The following MCOLN2 variants were observed in gnomAD, a reference collection of about 807,000 sequenced individuals.
MCOLN2 encodes the protein mucolipin TRP cation channel 2, also known as mucolipin-2.
A neutral mutation model predicts 67.5 loss-of-function variants in MCOLN2; 57 were observed. The ratio of observed to expected loss-of-function variants is 0.84; its 90% CI spans 0.68 to 1.05. The LOEUF (loss-of-function observed/expected upper bound fraction) is 1.05, where lower values mean the gene tolerates loss of function less well. Among genes scored for constraint, MCOLN2 ranks in the 50% least tolerant of loss-of-function variants. The probability of loss-of-function intolerance (pLI) is 0.00; values close to 1 mark genes in which losing one functional copy is unlikely to be tolerated. For synonymous variants in MCOLN2, 246 were observed against 233.3 expected (o/e 1.05, Z -0.50); for missense variants, 620 against 678.8 (o/e 0.91, Z 0.96).
chr1:84,958,784 T>C, intron 2 of MCOLN2, 82 bp from the exon 3 acceptor site: 1 of 1,058,644 alleles, frequency 9.4e-7, no homozygotes, highest in African/African-American at 1.6e-5. Flanking sequence ...TCATCAACCA[T>C]TACCTATAAA....
At chr1:84,993,454 C>T (rs936760943) in intron 1 of MCOLN2, among the ~76,000 whole-genome samples, 5 of 152,170 alleles carry the variant, frequency 3.3e-5, no homozygotes, top group South Asian at 2.1e-4. Context: ...TTCCAAACTC[C>T]TGTTAATGTT....
chr1:84,951,082 C>G (rs1167186924), intron 6 of MCOLN2, among the ~76,000 whole-genome samples: 2 of 152,152 alleles, frequency 1.3e-5, no homozygotes, highest in East Asian at 3.8e-4. Flanking sequence ...CTCCTCTGGC[C>G]CACCCACCCC....
chr1:84,939,591 T>C lies in MCOLN2; in HGVS notation c.1072A>G (p.Ile358Val). The stretch of plus-strand genomic sequence containing the variant: ...TCCATTTTTAATATGGAGCCAATGA[T>C]TGTCATTAGGTCGCTGATAATCACC... ...VLVIISDLMT[I>V]IGSILKMEIK... Residue 358 changes from isoleucine (I) to valine (V), a missense_variant, in exon 9 of 14, where the codon ATC (isoleucine) becomes GTC (valine). By Grantham distance (29) the Ile-to-Val change is conservative. Transcript: ENST00000370608. The C allele has an allele frequency of 2.5e-6, 4 of 1,614,102 alleles. No individual in the cohort carries two copies. The highest frequency in any genetic ancestry group is 3.4e-6 in the Non-Finnish European group (4 of 1,179,994).
intron 1 of MCOLN2, among the ~76,000 whole-genome samples, chr1:84,987,473 T>A (rs867580654): frequency 1.8e-5 from 1 of 54,256 alleles, no homozygotes; most frequent in African/African-American, 9.8e-5. Flanking sequence ...TATATATAGA[T>A]ATATATACAT....
chr1:84,992,414 C>T (rs912376192), intron 1 of MCOLN2, among the ~76,000 whole-genome samples: 1 of 152,092 alleles, frequency 6.6e-6, no homozygotes, highest in African/African-American at 2.4e-5. Context: ...GGGGCTGAGG[C>T]CCAAGCTCAA....
intron 1 of MCOLN2, among the ~76,000 whole-genome samples, chr1:84,996,178 G>A (rs985809222): frequency 1.3e-5 from 2 of 152,072 alleles, no homozygotes; most frequent in African/African-American, 4.8e-5. Context: ...CAGCTCCTGA[G>A]AGTGAAACCC....
intron 11 of MCOLN2, among the ~76,000 whole-genome samples, chr1:84,932,888 A>G (rs1190324397): frequency 1.3e-5 from 2 of 152,214 alleles, no homozygotes; most frequent in Admixed American, 6.5e-5. Flanking sequence ...TACTTTAAGA[A>G]GAAGGCTTTC....
intron 1 of MCOLN2, among the ~76,000 whole-genome samples, chr1:84,986,628 A>G (rs1650520318): frequency 6.6e-6 from 1 of 152,048 alleles, no homozygotes; most frequent in Non-Finnish European, 1.5e-5. Context: ...AAATCTCACA[A>G]TCTATACATC....
chr1:84,929,510 A>C, intron 13 of MCOLN2, 48 bp downstream of exon 13: 2 of 1,539,034 alleles, frequency 1.3e-6, no homozygotes, highest in Non-Finnish European at 1.8e-6. Flanking sequence ...TTCTTAAGAC[A>C]ACAGAACAGC....
chr1:84,973,319 C>A (rs1649787868), intron 1 of MCOLN2, among the ~76,000 whole-genome samples: 2 of 151,974 alleles, frequency 1.3e-5, no homozygotes, highest in Non-Finnish European at 2.9e-5. Context: ...TCCACAAAAA[C>A]TTTTTAAAAT....
intron 1 of MCOLN2, among the ~76,000 whole-genome samples, chr1:84,970,473 C>T (rs958106428): frequency 2.1e-4 from 32 of 149,556 alleles, no homozygotes; most frequent in African/African-American, 6.4e-4. Flanking sequence ...AGTTTGAGAT[C>T]AGCCTGGACA....
At chr1:84,944,489 G>A (rs1647979144) in intron 7 of MCOLN2, among the ~76,000 whole-genome samples, 1 of 151,990 alleles carries the variant, frequency 6.6e-6, no homozygotes, top group Non-Finnish European at 1.5e-5. Flanking sequence ...GCAAGATCGT[G>A]CCACTGCACT....
chr1:84,951,954 G>A (rs889965169), intron 6 of MCOLN2, among the ~76,000 whole-genome samples: 5 of 152,208 alleles, frequency 3.3e-5, no homozygotes, highest in South Asian at 4.1e-4. Flanking sequence ...GGGTGTGGTG[G>A]CACATGCCTG....
intron 1 of MCOLN2, among the ~76,000 whole-genome samples, chr1:84,987,771 C>T (rs1049511895): frequency 2.6e-4 from 38 of 146,550 alleles, no homozygotes; most frequent in African/African-American, 9.5e-4. Context: ...TTGCAGCAAC[C>T]TGGATGGATC....
chr1:84,952,647 G>T lies in MCOLN2; in HGVS notation c.566-117C>A, dbSNP rs1034008246. On this transcript the variant is annotated intron_variant, in intron 4 of 13. Coordinates refer to ENST00000370608, the MANE Select transcript of MCOLN2 (RefSeq NM_153259.4). ...TACGGAGTTTCAAAGTATCTCCCTA[G>T]AAAATACTTAGCAATTATTCAGGAA... The T allele has an allele frequency of 2.8e-5, 19 of 673,780 alleles. No individual in the cohort carries two copies. In the Admixed American group the frequency reaches 4.3e-4, roughly 15 times the overall value. 41.7% of individuals were successfully genotyped at this position (673,780 alleles called of 1,614,324 possible).
chr1:84,987,696 G>GTATATCAAAATATATACATACATATGTA (rs1650689628), intron 1 of MCOLN2, among the ~76,000 whole-genome samples: 1 of 110,322 alleles, frequency 9.1e-6, no homozygotes, highest in African/African-American at 3.2e-5. Flanking sequence ...ATGTATAGAT[G>GTATATCAAAATATATACATACATATGTA]TATATAGATT....
intron 13 of MCOLN2, among the ~76,000 whole-genome samples, chr1:84,927,017 G>A (rs1158733901): frequency 6.7e-6 from 1 of 148,558 alleles, no homozygotes; most frequent in African/African-American, 2.5e-5. Context: ...CCAGGGAGGG[G>A]AACATCGCAC....
At chr1:84,994,160 G>A (rs1651033987) in intron 1 of MCOLN2, among the ~76,000 whole-genome samples, 1 of 152,190 alleles carries the variant, frequency 6.6e-6, no homozygotes, top group Admixed American at 6.5e-5. Flanking sequence ...CTGTAAACAA[G>A]TGTACTGTCA....
In MCOLN2 at chr1:84,939,532, CTT is replaced by C. The variant is rs753399096; in HGVS notation, c.1110+19_1110+20del. The C allele has an allele frequency of 1.2e-6, 2 of 1,612,800 alleles. No homozygotes were observed. Among genetic ancestry groups the C allele is most frequent in the Admixed American group, 3.4e-5 (2 of 59,680 alleles). On this transcript the variant is annotated intron_variant, in intron 9 of 13. Transcript: ENST00000370608. Reference sequence around the variant, plus strand: ...TCCAGGAGAAGATGAAGAACAGAGACTTTAAATGGGCTTCCCTCACCTTTGCT... The same window carrying C: ...TCCAGGAGAAGATGAAGAACAGAGACTAAATGGGCTTCCCTCACCTTTGCT...
Sources: gnomAD v4.1 joint callset for allele counts (sites outside exome capture counted in the v4.1 genomes callset) on GRCh38, gnomAD v4.1.1 for gene constraint, MANE v1.5 for transcripts, NCBI Gene and HGNC (gene_info 2026-07-23, HGNC 2026-07-21) for gene names.